Variants in RIMKLB observed in about 807,000 individuals in gnomAD.
RIMKLB encodes beta-citrylglutamate synthase B.
Under a neutral mutation model 32.0 loss-of-function variants are expected in RIMKLB, and 7 were observed. The ratio of observed to expected loss-of-function variants is 0.22; its 90% confidence interval spans 0.12 to 0.41. RIMKLB has a LOEUF of 0.41. Ranked by LOEUF, RIMKLB falls within the 10% of genes least tolerant of loss-of-function variation. RIMKLB has a pLI of 1.00. For synonymous variants in RIMKLB, 172 were observed against 185.1 expected (o/e 0.93, Z 0.57); for missense variants, 289 against 498.7 (o/e 0.58, Z 4.00).
chr12:8,731,908 T>G (rs193254801), intron 2 of RIMKLB, among the ~76,000 whole-genome samples: 2 of 152,316 alleles, frequency 1.3e-5, no homozygotes, highest in African/African-American at 4.8e-5. Context: ...ATAGAATTCA[T>G]CTCTTGATTA....
chr12:8,768,158 C>T (rs1427451075), intron 5 of RIMKLB, among the ~76,000 whole-genome samples: 2 of 152,146 alleles, frequency 1.3e-5, no homozygotes, highest in South Asian at 2.1e-4. Context: ...TGGAACCCAG[C>T]GACTACTGTT....
chr12:8,697,655 G>C, upstream of RIMKLB: 1 of 266,588 alleles, frequency 3.8e-6, no homozygotes, highest in Admixed American at 4.0e-5. Context: ...GTGGGGAGGC[G>C]CGTCCTCGGA....
chr12:8,752,802 G>A (rs930942863), intron 4 of RIMKLB, among the ~76,000 whole-genome samples: 3 of 151,416 alleles, frequency 2.0e-5, no homozygotes, highest in Non-Finnish European at 4.4e-5. Context: ...GTGCAGTGGC[G>A]TGATTTCAGC....
rs1289888229 is a variant in RIMKLB at position 8,776,595 on chromosome 12, A to G, written c.*2811A>G. 2 of 844,972 alleles carry G rather than the reference A, an allele frequency of 2.4e-6. No individual in the cohort carries two copies. Among genetic ancestry groups the G allele is most frequent in the African/African-American group, 3.7e-5 (2 of 54,280 alleles). 52.3% of individuals were successfully genotyped at this position (844,972 alleles called of 1,614,324 possible). ...AATGATTATTTCTGATATTGTTTTT[A>G]TGTCACCCATGATGAAAACTGGACT... On this transcript the variant is annotated 3_prime_UTR_variant, in exon 6 of 6. Coordinates refer to ENST00000535829, the MANE Select transcript of RIMKLB (RefSeq NM_001297776.2).
intron 5 of RIMKLB, among the ~76,000 whole-genome samples, chr12:8,758,252 A>T (rs780695537): frequency 6.8e-6 from 1 of 147,322 alleles, no homozygotes; most frequent in African/African-American, 2.5e-5. Context: ...TTTTGTATTG[A>T]TCTGCAGGCT....
At chr12:8,712,310 G>A (rs1337952862) in intron 1 of RIMKLB, among the ~76,000 whole-genome samples, 1 of 152,100 alleles carries the variant, frequency 6.6e-6, no homozygotes. Context: ...TACTTGGGAG[G>A]CTGAGGCAGG....
At chr12:8,689,885 T>C (rs1409694113) in intron 1 of RIMKLB, among the ~76,000 whole-genome samples, 1 of 152,166 alleles carries the variant, frequency 6.6e-6, no homozygotes, top group African/African-American at 2.4e-5. Flanking sequence ...CCCCCTCTTC[T>C]GCGCCCTCAA....
chr12:8,714,183 T>G, intron 2 of RIMKLB, 142 bp downstream of exon 2: 1 of 637,902 alleles, frequency 1.6e-6, no homozygotes, highest in East Asian at 2.8e-5. Flanking sequence ...ATATATTTTA[T>G]GAAAGTAATA....
Position 8,748,559 on chromosome 12 carries a change from C to CATAT in RIMKLB, c.176-1293_176-1290dup, listed in dbSNP as rs72006146. Reference sequence around the variant, plus strand: ...GTGTGTGTGTGTGTGTGTGTGTGTGCATATATATATATACACAAAATTTAT... The same window carrying CATAT: ...GTGTGTGTGTGTGTGTGTGTGTGTGCATATATATATATATATACACAAAATTTAT... On this transcript the variant is annotated intron_variant, in intron 2 of 5. Coordinates refer to ENST00000535829, the MANE Select transcript of RIMKLB (RefSeq NM_001297776.2). 9.9e-4 allele frequency among the ~76,000 whole-genome samples: 125 copies of CATAT among 125,660 alleles called. 1 individual carries two copies. Among genetic ancestry groups the CATAT allele is most frequent in the Middle Eastern group, 4.0e-3 (1 of 248 alleles). The allele number at this position is 125,660 out of a possible 152,430, so 82.4% of individuals were successfully genotyped here.
At chr12:8,704,438 C>T (rs900057854) in intron 1 of RIMKLB, among the ~76,000 whole-genome samples, 1 of 152,022 alleles carries the variant, frequency 6.6e-6, no homozygotes, top group Admixed American at 6.6e-5. Context: ...ACTCAGATCA[C>T]TTAAACATGC....
upstream of RIMKLB, among the ~76,000 whole-genome samples, chr12:8,695,694 CT>C (rs397951288): frequency 4.1e-3 from 550 of 132,744 alleles, 3 homozygotes; most frequent in South Asian, 0.026. Flanking sequence ...TGAATAGCAA[CT>C]TTTTTTTTTT....
At chr12:8,723,186 G>T (rs895552303) in intron 2 of RIMKLB, among the ~76,000 whole-genome samples, 3 of 152,168 alleles carry the variant, frequency 2.0e-5, no homozygotes, top group Non-Finnish European at 1.5e-5. Flanking sequence ...TAAAGTAAGA[G>T]ATTGTGTGAC....
At chr12:8,673,256 A>T in the RIMKLB span, among the ~76,000 whole-genome samples, 1 of 152,108 alleles carries the variant, frequency 6.6e-6, no homozygotes, top group Non-Finnish European at 1.5e-5. Context: ...GAGCAGTGAC[A>T]GGTAGAGGTA....
At chr12:8,721,065 A>C (rs1211662104) in intron 2 of RIMKLB, among the ~76,000 whole-genome samples, 15 of 152,232 alleles carry the variant, frequency 9.9e-5, no homozygotes, top group Non-Finnish European at 1.5e-5. Context: ...GTTAATAGGT[A>C]ATGTCTGCCT....
chr12:8,713,934 A>G lies in RIMKLB; in HGVS notation c.68A>G (p.Gln23Arg). The G allele has an allele frequency of 6.2e-7, 1 of 1,614,130 alleles. No homozygotes were observed. Among genetic ancestry groups the G allele is most frequent in the Non-Finnish European group, 8.5e-7 (1 of 1,180,008 alleles). The stretch of plus-strand genomic sequence containing the variant: ...CGTCGCATCAGGGAAGACTATCCTC[A>G]AAAAGAGATTTTACGAGCATTGAAG... ...TDRRIREDYP[Q>R]KEILRALKAK... Residue 23 changes from glutamine (Q) to arginine (R), a missense_variant, in exon 2 of 6, where the codon CAA becomes CGA. Gln to Arg is a conservative substitution (Grantham distance 43). Transcript: ENST00000535829.
At chr12:8,771,229 G>A (rs1039109497) in intron 5 of RIMKLB, among the ~76,000 whole-genome samples, 1 of 152,136 alleles carries the variant, frequency 6.6e-6, no homozygotes, top group Non-Finnish European at 1.5e-5. Context: ...AGGCCTGTAT[G>A]TTCAGATTCT....
exon 8 of RIMKLB, chr12:8,782,941 T>A (rs1951186772): frequency 6.6e-6 from 1 of 152,240 alleles, no homozygotes; most frequent in Non-Finnish European, 1.5e-5. Context: ...TGATCTTTTT[T>A]GCTTACCCTC....
downstream of RIMKLB, among the ~76,000 whole-genome samples, chr12:8,778,833 G>C (rs1290277250): frequency 5.9e-5 from 9 of 152,174 alleles, no homozygotes; most frequent in Admixed American, 5.9e-4. Context: ...ACTATCCAAA[G>C]AGGCTGTACA....
chr12:8,704,751 G>T (rs1197863404), intron 1 of RIMKLB, among the ~76,000 whole-genome samples: 1 of 152,062 alleles, frequency 6.6e-6, no homozygotes, highest in Non-Finnish European at 1.5e-5. Flanking sequence ...GGAGACTGAG[G>T]CAGGAGAATT....
Sources: allele counts gnomAD v4.1 joint callset (sites outside exome capture counted in the v4.1 genomes callset), GRCh38; gene constraint gnomAD v4.1.1; transcripts MANE v1.5; gene names NCBI Gene and HGNC (gene_info 2026-07-23, HGNC 2026-07-21).